SDK1: variants seen among roughly 807,000 people sequenced by gnomAD.
The protein encoded by SDK1 is sidekick cell adhesion molecule 1.
A neutral mutation model predicts 245.5 loss-of-function variants in SDK1; 157 were observed. The ratio of observed to expected loss-of-function variants is 0.64; its 90% confidence interval spans 0.56 to 0.73. The LOEUF (loss-of-function observed/expected upper bound fraction) is 0.73, where lower values mean the gene tolerates loss of function less well. Among genes scored for constraint, SDK1 ranks in the 30% least tolerant of loss-of-function variants. SDK1 has a pLI of 0.00. For missense variants in SDK1, 3,583 were observed against 3,002.3 expected, an observed-to-expected ratio of 1.19 and a Z score of -4.52; for synonymous variants, 1,647 against 1,278.5, an observed-to-expected ratio of 1.29 and a Z score of -6.15.
At chr7:4,127,096 G>T (rs907232484) in intron 25 of SDK1, among the ~76,000 whole-genome samples, 1 of 152,160 alleles carries the variant, frequency 6.6e-6, no homozygotes, top group African/African-American at 2.4e-5. Flanking sequence ...AAAGTCTGCA[G>T]TTTCCACAAG....
chr7:3,437,144 A>C (rs1780052430), intron 1 of SDK1, among the ~76,000 whole-genome samples: 1 of 152,206 alleles, frequency 6.6e-6, no homozygotes, highest in African/African-American at 2.4e-5. Context: ...ATTTTACTGT[A>C]GTCCTTCACC....
chr7:3,494,846 G>C (rs541604085), intron 1 of SDK1, among the ~76,000 whole-genome samples: 1 of 152,216 alleles, frequency 6.6e-6, no homozygotes, highest in African/African-American at 2.4e-5. Flanking sequence ...AACTTAATGT[G>C]TATAAGAAGT....
intron 17 of SDK1, among the ~76,000 whole-genome samples, chr7:4,044,426 C>G (rs931370935): frequency 5.3e-5 from 8 of 151,782 alleles, no homozygotes; most frequent in African/African-American, 1.7e-4. Context: ...GGAAAAGTAT[C>G]AAAGAATATG....
chr7:3,509,916 C>T (rs768399910), intron 1 of SDK1, among the ~76,000 whole-genome samples: 3 of 152,154 alleles, frequency 2.0e-5, no homozygotes, highest in Non-Finnish European at 2.9e-5. Context: ...TTAAAATATA[C>T]AGATGCCAGG....
At chr7:3,647,672 C>T (rs964640195) in intron 4 of SDK1, among the ~76,000 whole-genome samples, 2 of 152,062 alleles carry the variant, frequency 1.3e-5, no homozygotes, top group African/African-American at 4.8e-5. Flanking sequence ...TCAGGCAATC[C>T]ACCCGCCTCT....
intron 4 of SDK1, among the ~76,000 whole-genome samples, chr7:3,682,130 C>G (rs780910776): frequency 1.3e-5 from 2 of 152,308 alleles, no homozygotes; most frequent in Middle Eastern, 6.8e-3. Context: ...CTAAAAATTA[C>G]ACATCAGCAT....
chr7:3,768,870 G>C (rs555175861), intron 4 of SDK1, among the ~76,000 whole-genome samples: 2 of 152,184 alleles, frequency 1.3e-5, no homozygotes, highest in South Asian at 4.2e-4. Flanking sequence ...CACTCCTTTA[G>C]ATCCTGTTTG....
intron 2 of SDK1, among the ~76,000 whole-genome samples, chr7:3,627,173 C>G (rs962924415): frequency 5.9e-5 from 9 of 152,126 alleles, no homozygotes; most frequent in African/African-American, 2.2e-4. Context: ...AAATGATTCA[C>G]CCAGCTTGTC....
intron 1 of SDK1, among the ~76,000 whole-genome samples, chr7:3,561,741 C>T (rs1779758698): frequency 6.6e-6 from 1 of 152,196 alleles, no homozygotes; most frequent in Non-Finnish European, 1.5e-5. Context: ...GGCCAGGCTA[C>T]AAAGAGCTCA....
At chr7:3,790,966 A>G (rs1781063495) in intron 4 of SDK1, among the ~76,000 whole-genome samples, 1 of 152,042 alleles carries the variant, frequency 6.6e-6, no homozygotes, top group Admixed American at 6.5e-5. Flanking sequence ...GGTTTGAATC[A>G]CAGCTCCGTC....
At position 3,967,455 on chromosome 7, in the gene SDK1, A is replaced by G. The variant is rs539636601; in HGVS notation, c.1546+21A>G. The G allele has an allele frequency of 3.0e-5, 43 of 1,429,420 alleles. No individual in the cohort carries two copies. The Admixed American group carries it at 5.2e-4, about 17-fold the overall frequency. 88.5% of individuals were successfully genotyped at this position (1,429,420 alleles called of 1,614,324 possible). A position where few individuals can be genotyped will look rare whatever the true frequency, so the allele number is the denominator to read the frequency against. The stretch of plus-strand genomic sequence containing the variant: ...AAGAGGTGGGTAGCATCCACTGCCC[A>G]CAACAGCATGGCCCATGTAGAACAT... On this transcript the variant is annotated intron_variant, in intron 10 of 44. Transcript: ENST00000404826.
In SDK1 at chr7:4,060,703, T is replaced by C. The variant is rs894695783; in HGVS notation, c.2912-7135T>C. Among the ~76,000 whole-genome samples the C allele has an allele frequency of 9.9e-5, 15 of 152,130 alleles. No individual in the cohort carries two copies. The South Asian group carries it at 1.2e-3, about 13-fold the overall frequency. On this transcript the variant is annotated intron_variant, in intron 19 of 44. Coordinates refer to ENST00000404826, the MANE Select transcript of SDK1 (RefSeq NM_152744.4). ...GCCATTGCTTTTGGTGTTTTAGACATGAAGTCCTTGCCCATGCCTATGTCC... is the reference window on the plus strand; with the variant it reads ...GCCATTGCTTTTGGTGTTTTAGACACGAAGTCCTTGCCCATGCCTATGTCC...
chr7:3,515,175 AC>A (rs1270386015), intron 1 of SDK1, among the ~76,000 whole-genome samples: 1 of 152,084 alleles, frequency 6.6e-6, no homozygotes, highest in African/African-American at 2.4e-5. Flanking sequence ...GTTTTGAGCA[AC>A]CTTCTGAAGA....
intron 1 of SDK1, among the ~76,000 whole-genome samples, chr7:3,451,836 A>G (rs1780525089): frequency 6.6e-6 from 1 of 152,136 alleles, no homozygotes. Context: ...CAATCAAACT[A>G]GTGTAGTAAG....
intron 1 of SDK1, among the ~76,000 whole-genome samples, chr7:3,616,436 G>C (rs1781774315): frequency 6.6e-6 from 1 of 152,146 alleles, no homozygotes; most frequent in African/African-American, 2.4e-5. Context: ...CCTGCAGAAA[G>C]TCTTGCTGTT....
intron 4 of SDK1, among the ~76,000 whole-genome samples, chr7:3,679,389 A>G (rs1311746646): frequency 2.6e-5 from 4 of 151,966 alleles, no homozygotes; most frequent in African/African-American, 9.7e-5. Context: ...ACATGGTGAA[A>G]CCCCGTCTCT....
At chr7:4,177,869 G>T (rs559325179) in intron 34 of SDK1, among the ~76,000 whole-genome samples, 17 of 152,234 alleles carry the variant, frequency 1.1e-4, no homozygotes, top group African/African-American at 7.2e-5. Context: ...TCCCATCTTG[G>T]GGGGAGGGGA....
intron 44 of SDK1, among the ~76,000 whole-genome samples, chr7:4,264,443 G>C (rs535021781): frequency 4.3e-5 from 6 of 140,444 alleles, no homozygotes; most frequent in African/African-American, 1.3e-4. Flanking sequence ...GGGTAAGGAA[G>C]GCCGCGTGGA....
rs1363782601 is a variant in SDK1, at chr7:3,639,090, A to T, written c.545A>T (p.Lys182Ile). ...RNRMGALLQR[K>I]SEVQVAYMGS... ...AGAATGGGAGCACTCCTGCAAAGAA[A>T]ATCAGAAGTTCAAGTCGCATGTATG... The change falls in exon 3 of 45, where the codon AAA becomes ATA. Residue 182 changes from lysine to isoleucine, a missense_variant. Coordinates refer to ENST00000404826, the MANE Select transcript of SDK1 (RefSeq NM_152744.4). 1 of 1,600,148 alleles carries T rather than the reference A, an allele frequency of 6.2e-7. No homozygotes were observed. The highest frequency in any genetic ancestry group is 1.7e-5 in the Admixed American group (1 of 59,760).
Sources: gnomAD v4.1 joint callset for allele counts (sites outside exome capture counted in the v4.1 genomes callset) on GRCh38, gnomAD v4.1.1 for gene constraint, MANE v1.5 for transcripts, NCBI Gene and HGNC (gene_info 2026-07-23, HGNC 2026-07-21) for gene names.